The following GABPB2 variants were observed in gnomAD, a reference collection of about 807,000 sequenced individuals.
The protein encoded by GABPB2 is GA-binding protein subunit beta-2.
Under a neutral mutation model 39.1 loss-of-function variants are expected in GABPB2, and 23 were observed. That is an observed-to-expected ratio of 0.59 (90% CI 0.42 to 0.83). GABPB2 has a LOEUF of 0.83. GABPB2 is among the 40% of genes least tolerant of loss of function. The probability of loss-of-function intolerance (pLI) is 0.00; values close to 1 mark genes in which losing one functional copy is unlikely to be tolerated. For synonymous variants in GABPB2, 184 were observed against 199.3 expected, an observed-to-expected ratio of 0.92 and a Z score of 0.65; for missense variants, 467 against 541.1, an observed-to-expected ratio of 0.86 and a Z score of 1.36.
At chr1:151,107,347 G>T in intron 7 of GABPB2, 125 bp downstream of exon 7, 2 of 534,882 alleles carry the variant, frequency 3.7e-6, no homozygotes, top group Non-Finnish European at 2.9e-6. Context: ...TTGGGGCAAA[G>T]AAGCTCTGAA....
chr1:151,102,235 C>T (rs1040022755), intron 5 of GABPB2, among the ~76,000 whole-genome samples: 8 of 152,056 alleles, frequency 5.3e-5, no homozygotes, highest in Non-Finnish European at 1.2e-4. Context: ...ATAGGAGAAG[C>T]GCTTGAATCC....
At chr1:151,093,572 G>T (rs926951526) in intron 4 of GABPB2, among the ~76,000 whole-genome samples, 186 bp downstream of exon 4, 6 of 150,168 alleles carry the variant, frequency 4.0e-5, no homozygotes, top group African/African-American at 1.2e-4. Flanking sequence ...ATATTTGTGT[G>T]TATATATGTA....
intron 4 of GABPB2, among the ~76,000 whole-genome samples, chr1:151,094,614 G>T (rs1480982125): frequency 6.6e-6 from 1 of 150,908 alleles, no homozygotes; most frequent in African/African-American, 2.4e-5. Flanking sequence ...CTCCCAAAGT[G>T]CTGGGATTAC....
At chr1:151,107,547 G>A (rs1680065043) in intron 7 of GABPB2, among the ~76,000 whole-genome samples, 1 of 151,046 alleles carries the variant, frequency 6.6e-6, no homozygotes, top group African/African-American at 2.4e-5. Flanking sequence ...TCTCACCCAG[G>A]CTGGAGTGCA....
At chr1:151,088,365 C>G in intron 2 of GABPB2, 68 bp downstream of exon 2, 1 of 1,381,398 alleles carries the variant, frequency 7.2e-7, no homozygotes. Context: ...TTCTTAAAGG[C>G]TAACAGACTA....
intron 1 of GABPB2, chr1:151,073,057 T>G (rs587620872): frequency 6.6e-6 from 1 of 152,414 alleles, no homozygotes; most frequent in Non-Finnish European, 1.5e-5. Flanking sequence ...TGTTGCTCAG[T>G]CACCCAGGCT....
intron 1 of GABPB2, among the ~76,000 whole-genome samples, chr1:151,087,569 C>T (rs1490367285): frequency 6.6e-6 from 1 of 151,984 alleles, no homozygotes; most frequent in Non-Finnish European, 1.5e-5. Flanking sequence ...ATTGCTTGAA[C>T]CCGGGAGGCA....
chr1:151,090,016 C>CA (rs1323337181), intron 2 of GABPB2, among the ~76,000 whole-genome samples: 2 of 151,676 alleles, frequency 1.3e-5, no homozygotes, highest in African/African-American at 2.4e-5. Context: ...CAGCTCACTG[C>CA]AACCTCTGCC....
intron 7 of GABPB2, 93 bp from the exon 8 acceptor site, chr1:151,117,299 T>G: frequency 7.5e-7 from 1 of 1,331,686 alleles, no homozygotes; most frequent in Non-Finnish European, 1.0e-6. Flanking sequence ...CAACCTAGAA[T>G]ATATTTTAGT....
intron 7 of GABPB2, among the ~76,000 whole-genome samples, chr1:151,110,926 C>T (rs1680373623): frequency 6.6e-6 from 1 of 152,152 alleles, no homozygotes; most frequent in Admixed American, 6.6e-5. Context: ...GAAATACAAA[C>T]CAATTTTTAA....
chr1:151,085,258 A>G (rs1442328175), intron 1 of GABPB2, among the ~76,000 whole-genome samples: 2 of 152,008 alleles, frequency 1.3e-5, no homozygotes, highest in African/African-American at 2.4e-5. Flanking sequence ...TTAGCTGGGC[A>G]TGGTGATGGG....
chr1:151,107,242 C>T lies in GABPB2; in HGVS notation c.922+20C>T, dbSNP rs1680040402. ...AGCAAGGTGAGTTATCTCTTGTAGA[C>T]AATTGTTTATTAAAAGATATTTTAG... On this transcript the variant is annotated intron_variant, in intron 7 of 8. Coordinates refer to ENST00000368918, the MANE Select transcript of GABPB2 (RefSeq NM_144618.3). The T allele has an allele frequency of 2.7e-6, 4 of 1,469,056 alleles. No individual in the cohort carries two copies. The highest frequency in any genetic ancestry group is 2.7e-6 in the Non-Finnish European group (3 of 1,100,172). The allele number at this position is 1,469,056 out of a possible 1,614,324, so 91.0% of individuals were successfully genotyped here.
intron 1 of GABPB2, among the ~76,000 whole-genome samples, chr1:151,079,706 G>T (rs1677490239): frequency 6.6e-6 from 1 of 151,016 alleles, no homozygotes; most frequent in African/African-American, 2.4e-5. Context: ...TCGAGGGGCT[G>T]ACCAACATGG....
intron 8 of GABPB2, among the ~76,000 whole-genome samples, 177 bp from the exon 9 acceptor site, chr1:151,117,780 T>C (rs1680992189): frequency 6.6e-6 from 1 of 152,104 alleles, no homozygotes; most frequent in Non-Finnish European, 1.5e-5. Flanking sequence ...GACAGGGTTT[T>C]GCCATGTTGG....
intron 5 of GABPB2, among the ~76,000 whole-genome samples, chr1:151,099,060 G>A (rs1419533907): frequency 3.5e-5 from 5 of 143,492 alleles, no homozygotes; most frequent in African/African-American, 1.3e-4. Context: ...CTCCAGCCTG[G>A]GCAACAAGAG....
chr1:151,080,179 C>T (rs1203522136), intron 1 of GABPB2, among the ~76,000 whole-genome samples: 4 of 142,156 alleles, frequency 2.8e-5, no homozygotes, highest in African/African-American at 1.0e-4. Context: ...CATGCCATTG[C>T]ACTCCAGCCT....
Position 151,097,955 on chromosome 1 carries a change from T to C in GABPB2, c.575T>C (p.Val192Ala). 1 of 1,613,948 alleles carries C rather than the reference T, an allele frequency of 6.2e-7. No individual in the cohort carries two copies. The highest frequency in any genetic ancestry group is 1.7e-5 in the Admixed American group (1 of 59,990). The stretch of plus-strand genomic sequence containing the variant: ...TTCATCTTCACGTCGGGTGAGGTTG[T>C]TAACCTCGCAAGCCTTATTTCTTCA... Reference protein sequence around the residue: ...APFIFTSGEVVNLASLISSTN... With the variant: ...APFIFTSGEVANLASLISSTN... The change falls in exon 5 of 9, where the codon GTT becomes GCT. Residue 192 changes from valine (V) to alanine (A), a missense_variant. Physicochemically the swap from Val to Ala is moderately conservative, Grantham distance 64. Coordinates refer to ENST00000368918, the MANE Select transcript of GABPB2 (RefSeq NM_144618.3).
chr1:151,083,922 G>C (rs1285945924), intron 1 of GABPB2, among the ~76,000 whole-genome samples: 1 of 150,014 alleles, frequency 6.7e-6, no homozygotes, highest in Non-Finnish European at 1.5e-5. Context: ...TGTATTTTTA[G>C]TAGAGATGGG....
intron 7 of GABPB2, 27 bp from the exon 8 acceptor site, chr1:151,117,365 C>T (rs767279838): frequency 6.2e-7 from 1 of 1,606,264 alleles, no homozygotes; most frequent in East Asian, 2.2e-5. Context: ...CATTCATCAC[C>T]TCCAATTGGT....
Sources: allele counts gnomAD v4.1 joint callset (sites outside exome capture counted in the v4.1 genomes callset), GRCh38; gene constraint gnomAD v4.1.1; transcripts MANE v1.5; gene names NCBI Gene and HGNC (gene_info 2026-07-23, HGNC 2026-07-21).